PPP1R12B: variants seen among roughly 807,000 people sequenced by gnomAD.
PPP1R12B encodes the protein protein phosphatase 1 regulatory subunit 12B, also known as myosin phosphatase target subunit 2.
In PPP1R12B, 76 loss-of-function variants were observed where a neutral mutation model predicts 126.1. The observed-to-expected ratio is 0.60, with a 90% confidence interval of 0.50 to 0.73. The LOEUF (loss-of-function observed/expected upper bound fraction) is 0.73, where lower values mean the gene tolerates loss of function less well. Ranked by LOEUF, PPP1R12B falls within the 30% of genes least tolerant of loss-of-function variation. The probability of loss-of-function intolerance (pLI) is 0.00; values close to 1 mark genes in which losing one functional copy is unlikely to be tolerated. For synonymous variants in PPP1R12B, 356 were observed against 434.7 expected (o/e 0.82, Z 2.25); for missense variants, 1,052 against 1,205.1 (o/e 0.87, Z 1.88).
chr1:202,559,730 T>G (rs570638020), intron 19 of PPP1R12B, among the ~76,000 whole-genome samples: 1 of 152,300 alleles, frequency 6.6e-6, no homozygotes, highest in Admixed American at 6.5e-5. Flanking sequence ...TATTAATATA[T>G]TCTAATGTTC....
chr1:202,408,338 T>A (rs1314840670), intron 1 of PPP1R12B, among the ~76,000 whole-genome samples: 1 of 152,222 alleles, frequency 6.6e-6, no homozygotes, highest in Non-Finnish European at 1.5e-5. Context: ...GTTTTGCTAT[T>A]TGAGCCAGAG....
chr1:202,579,842 C>G (rs1391508841), intron 23 of PPP1R12B, among the ~76,000 whole-genome samples: 1 of 152,142 alleles, frequency 6.6e-6, no homozygotes, highest in Non-Finnish European at 1.5e-5. Flanking sequence ...CCTCACAGCT[C>G]TGTGAGTGTA....
At chr1:202,540,041 C>T in intron 18 of PPP1R12B, 11 of 1,410,854 alleles carry the variant, frequency 7.8e-6, no homozygotes, top group Non-Finnish European at 1.0e-5. Context: ...CTTGCATCAA[C>T]TCAAAAGGAG....
In PPP1R12B at chr1:202,591,258, C is replaced by T. The variant is rs1690102799; in HGVS notation, c.*10698C>T. 1.3e-5 allele frequency: 2 copies of T among 152,632 alleles called. No homozygotes were observed. Among genetic ancestry groups the T allele is most frequent in the Admixed American group, 1.3e-4 (2 of 15,292 alleles). 9.5% of individuals were successfully genotyped at this position (152,632 alleles called of 1,614,324 possible). A position where few individuals can be genotyped will look rare whatever the true frequency, so the allele number is the denominator to read the frequency against. ...AAGCCTGCCTCGCCACCTCTGGCCT[C>T]CTCGAATGCGCCCTGCCTGATTCCC... On this transcript the variant is annotated 3_prime_UTR_variant, in exon 24 of 24. Transcript: ENST00000608999.
intron 18 of PPP1R12B, among the ~76,000 whole-genome samples, chr1:202,540,758 G>A (rs1175253266): frequency 2.0e-5 from 3 of 152,192 alleles, no homozygotes; most frequent in Admixed American, 1.3e-4. Flanking sequence ...ATGTCTGTCT[G>A]TGAGAAAGAC....
intron 13 of PPP1R12B, among the ~76,000 whole-genome samples, chr1:202,480,184 TAAAAAC>T (rs1189190294): frequency 6.6e-6 from 1 of 152,148 alleles, no homozygotes; most frequent in Non-Finnish European, 1.5e-5. Flanking sequence ...TGCAGTCTGT[TAAAAAC>T]AATCAAGTGG....
At chr1:202,562,985 C>T (rs2149013635) in intron 20 of PPP1R12B, 63 bp downstream of exon 20, 2 of 1,457,170 alleles carry the variant, frequency 1.4e-6, no homozygotes, top group South Asian at 1.5e-5. Context: ...CCTTCCTCCA[C>T]CACACCCAGA....
Position 202,587,491 on chromosome 1 carries a change from CTT to C in PPP1R12B, c.*6933_*6934del, listed in dbSNP as rs890666804. ...CATGAGTAGCCATGTCTGGTTTACT[CTT>C]TATCCTGAGACTGTTTATAGCTTAA... On this transcript the variant is annotated 3_prime_UTR_variant, in exon 24 of 24. Coordinates refer to ENST00000608999, the MANE Select transcript of PPP1R12B (RefSeq NM_002481.4). 26 of 128,534 alleles carry C rather than the reference CTT, an allele frequency of 2.0e-4. No individual in the cohort carries two copies. The highest frequency in any genetic ancestry group is 6.2e-4 in the African/African-American group (25 of 40,444). 8.0% of individuals were successfully genotyped at this position (128,534 alleles called of 1,614,324 possible).
chr1:202,361,640 G>A (rs1237993915), intron 1 of PPP1R12B, among the ~76,000 whole-genome samples: 7 of 152,038 alleles, frequency 4.6e-5, no homozygotes, highest in Non-Finnish European at 5.9e-5. Context: ...CCCTTATTTT[G>A]AAATATTGTT....
intron 23 of PPP1R12B, 38 bp from the exon 24 acceptor site, chr1:202,580,436 C>G (rs1474918993): frequency 6.4e-7 from 1 of 1,557,336 alleles, no homozygotes; most frequent in African/African-American, 1.4e-5. Flanking sequence ...GAGGATCCTG[C>G]CAGGCTCTAA....
At chr1:202,371,625 G>T (rs2148451214) in intron 1 of PPP1R12B, among the ~76,000 whole-genome samples, 1 of 151,806 alleles carries the variant, frequency 6.6e-6, no homozygotes, top group East Asian at 1.9e-4. Flanking sequence ...ATTTTACCCT[G>T]GTCTATGCCT....
chr1:202,491,166 G>A (rs920120861), intron 14 of PPP1R12B, among the ~76,000 whole-genome samples: 3 of 151,942 alleles, frequency 2.0e-5, no homozygotes, highest in African/African-American at 7.3e-5. Flanking sequence ...CTCTTGTCAC[G>A]CAGGCCGGGG....
Position 202,585,537 on chromosome 1 carries a change from C to T in PPP1R12B, c.*4977C>T, listed in dbSNP as rs1689765251. On this transcript the variant is annotated 3_prime_UTR_variant, in exon 24 of 24. Transcript: ENST00000608999. ...ATCTTTATGTGCCCTTTCCTTTTGGCTTAAAATTCTGTGATTTATTCATTC... is the reference window on the plus strand; with the variant it reads ...ATCTTTATGTGCCCTTTCCTTTTGGTTTAAAATTCTGTGATTTATTCATTC... 1 of 152,190 alleles carries T rather than the reference C, an allele frequency of 6.6e-6. No homozygotes were observed. The highest frequency in any genetic ancestry group is 2.1e-4 in the South Asian group (1 of 4,824). 9.4% of individuals were successfully genotyped at this position (152,190 alleles called of 1,614,324 possible). A position where few individuals can be genotyped will look rare whatever the true frequency, so the allele number is the denominator to read the frequency against.
intron 1 of PPP1R12B, among the ~76,000 whole-genome samples, chr1:202,416,116 A>C (rs1668020977): frequency 6.6e-6 from 1 of 152,244 alleles, no homozygotes; most frequent in Admixed American, 6.5e-5. Flanking sequence ...TTCATATACA[A>C]ATCAGTGTTT....
At chr1:202,463,187 G>A in intron 13 of PPP1R12B, 1 of 621,318 alleles carries the variant, frequency 1.6e-6, no homozygotes, top group South Asian at 7.2e-5. Flanking sequence ...TTGGTGGTAT[G>A]GTTGGGGAAG....
In PPP1R12B at chr1:202,586,701, TCTC is replaced by T. The variant is rs1689834432; in HGVS notation, c.*6144_*6146del. ...CTGCATGGTGAAAGATGCATTCACT[TCTC>T]CTTTGAGAGTTGGGGTTGAGGGCAA... On this transcript the variant is annotated 3_prime_UTR_variant, in exon 24 of 24. Transcript: ENST00000608999. The T allele has an allele frequency of 6.6e-6, 1 of 152,190 alleles. No homozygotes were observed. The highest frequency in any genetic ancestry group is 1.5e-5 in the Non-Finnish European group (1 of 68,044). 9.4% of individuals were successfully genotyped at this position (152,190 alleles called of 1,614,324 possible).
At chr1:202,363,271 G>A (rs749686666) in intron 1 of PPP1R12B, among the ~76,000 whole-genome samples, 8 of 152,114 alleles carry the variant, frequency 5.3e-5, no homozygotes, top group Non-Finnish European at 8.8e-5. Flanking sequence ...TTGCTCTCAG[G>A]CATCCCACAG....
rs1690005489 is a variant in PPP1R12B, at chr1:202,588,924, A to AAGAC, written c.*8366_*8369dup. 2 of 152,136 alleles carry AAGAC rather than the reference A, an allele frequency of 1.3e-5. No individual in the cohort carries two copies. Among genetic ancestry groups the AAGAC allele is most frequent in the South Asian group, 4.1e-4 (2 of 4,826 alleles). 9.4% of individuals were successfully genotyped at this position (152,136 alleles called of 1,614,324 possible). Reference sequence around the variant, plus strand: ...AAGAGTATATACGGTTATTTCTTGGAAGACACCAGGTTTAAGTGACAAAGG... The same window carrying AAGAC: ...AAGAGTATATACGGTTATTTCTTGGAAGACAGACACCAGGTTTAAGTGACAAAGG... On this transcript the variant is annotated 3_prime_UTR_variant, in exon 24 of 24. Transcript: ENST00000608999.
chr1:202,575,873 G>C (rs542091384), intron 23 of PPP1R12B: 6 of 152,340 alleles, frequency 3.9e-5, no homozygotes, highest in African/African-American at 1.4e-4. Flanking sequence ...TACCGATGGA[G>C]AGGACTAAAA....
Sources: allele counts gnomAD v4.1 joint callset (sites outside exome capture counted in the v4.1 genomes callset), GRCh38; gene constraint gnomAD v4.1.1; transcripts MANE v1.5; gene names NCBI Gene and HGNC (gene_info 2026-07-23, HGNC 2026-07-21).